Variants in ADGRB3 observed in about 807,000 individuals in gnomAD.
ADGRB3 encodes brain-specific angiogenesis inhibitor 3.
ADGRB3 carries 37 observed loss-of-function variants against 193.4 expected under a neutral mutation model. The ratio of observed to expected loss-of-function variants is 0.19; its 90% confidence interval spans 0.15 to 0.25. ADGRB3 has a LOEUF of 0.25. Among genes scored for constraint, ADGRB3 ranks in the 10% least tolerant of loss-of-function variants. The pLI is 1.00. For missense variants in ADGRB3, 1,637 were observed against 1,852.9 expected (o/e 0.88, Z 2.14); for synonymous variants, 690 against 644.2 (o/e 1.07, Z -1.08).
rs192099786 is a variant in ADGRB3 at position 68,776,488 on chromosome 6, T to C, written c.757+137056T>C. ...TTATTCCATAATTTGAATGCATAATTTCACATGTATTTATTCAGAAATATG... is the reference window on the plus strand; with the variant it reads ...TTATTCCATAATTTGAATGCATAATCTCACATGTATTTATTCAGAAATATG... On this transcript the variant is annotated intron_variant, in intron 3 of 31. Coordinates refer to ENST00000370598, the MANE Select transcript of ADGRB3 (RefSeq NM_001704.3). Among the ~76,000 whole-genome samples, 5 of 152,230 alleles carry C rather than the reference T, an allele frequency of 3.3e-5. No individual in the cohort carries two copies. In the East Asian group the frequency reaches 9.7e-4, roughly 29 times the overall value.
At chr6:69,064,960 A>G (rs374124395) in intron 16 of ADGRB3, among the ~76,000 whole-genome samples, 9 of 152,308 alleles carry the variant, frequency 5.9e-5, no homozygotes, top group African/African-American at 1.7e-4. Context: ...TACAGAAGAT[A>G]TAAACCATGT....
chr6:69,119,498 G>C (rs1004220123), intron 17 of ADGRB3, among the ~76,000 whole-genome samples: 1 of 152,220 alleles, frequency 6.6e-6, no homozygotes, highest in African/African-American at 2.4e-5. Flanking sequence ...AGAGCGAGGT[G>C]ATGTGTTAGG....
chr6:69,127,115 A>G (rs1773874862), intron 17 of ADGRB3, among the ~76,000 whole-genome samples: 2 of 152,208 alleles, frequency 1.3e-5, no homozygotes. Flanking sequence ...TGTGTTCAAC[A>G]TGTCTCCCTA....
intron 17 of ADGRB3, among the ~76,000 whole-genome samples, chr6:69,211,224 G>T (rs1765660724): frequency 6.6e-6 from 1 of 152,170 alleles, no homozygotes; most frequent in African/African-American, 2.4e-5. Flanking sequence ...TTCACTGTTT[G>T]CTGGAAGGAA....
chr6:68,772,575 A>G (rs1463787296), intron 3 of ADGRB3, among the ~76,000 whole-genome samples: 1 of 152,080 alleles, frequency 6.6e-6, no homozygotes, highest in African/African-American at 2.4e-5. Flanking sequence ...CCAGTAATCA[A>G]TTCTGAGAAA....
At chr6:69,033,556 C>T (rs1042490504) in intron 13 of ADGRB3, among the ~76,000 whole-genome samples, 2 of 152,038 alleles carry the variant, frequency 1.3e-5, no homozygotes, top group African/African-American at 2.4e-5. Flanking sequence ...TCCATATGAA[C>T]AGCTTTAACT....
At chr6:69,339,083 G>GA (rs1427287787) in intron 25 of ADGRB3, 69 bp downstream of exon 25, 28 of 1,529,374 alleles carry the variant, frequency 1.8e-5, no homozygotes, top group Middle Eastern at 1.7e-4. Context: ...ATGCTATGAT[G>GA]AAAAAAAATT....
intron 3 of ADGRB3, among the ~76,000 whole-genome samples, chr6:68,764,268 C>T (rs1374317884): frequency 6.6e-6 from 1 of 151,920 alleles, no homozygotes; most frequent in Non-Finnish European, 1.5e-5. Flanking sequence ...TATGAAGATA[C>T]TGTTAGAAAA....
chr6:68,848,605 T>C (rs765578164), intron 3 of ADGRB3, among the ~76,000 whole-genome samples: 4 of 152,096 alleles, frequency 2.6e-5, no homozygotes, highest in Non-Finnish European at 5.9e-5. Context: ...ATTTTTACTA[T>C]GTTTTACATA....
chr6:68,879,501 T>C (rs1372569633), intron 3 of ADGRB3, among the ~76,000 whole-genome samples: 5 of 152,148 alleles, frequency 3.3e-5, no homozygotes, highest in African/African-American at 1.2e-4. Context: ...GTGCTGGGAT[T>C]ACAGGCGTGA....
intron 17 of ADGRB3, among the ~76,000 whole-genome samples, chr6:69,186,256 T>C (rs568026286): frequency 1.3e-5 from 2 of 152,146 alleles, no homozygotes; most frequent in South Asian, 4.1e-4. Context: ...GTTATCTTTG[T>C]CCTTGGCCAC....
chr6:69,051,828 C>T (rs1771403494), intron 15 of ADGRB3, among the ~76,000 whole-genome samples: 1 of 152,208 alleles, frequency 6.6e-6, no homozygotes, highest in Non-Finnish European at 1.5e-5. Context: ...TTCTTTTAAA[C>T]TTCCCCTGCT....
At chr6:69,253,626 G>A (rs1035493220) in intron 20 of ADGRB3, among the ~76,000 whole-genome samples, 6 of 152,036 alleles carry the variant, frequency 3.9e-5, no homozygotes, top group African/African-American at 1.4e-4. Flanking sequence ...TTTATGGAGA[G>A]AACTATGCAC....
chr6:68,901,932 G>T (rs528087939), intron 3 of ADGRB3, among the ~76,000 whole-genome samples: 21 of 152,206 alleles, frequency 1.4e-4, no homozygotes, highest in Admixed American at 1.3e-3. Context: ...TTAAATGGGA[G>T]AAGTGGTGAC....
In ADGRB3 at chr6:68,638,802, T is replaced by G. The variant is rs1190371188; in HGVS notation, c.127T>G (p.Ser43Ala). The change falls in exon 3 of 32, where the codon TCT becomes GCT. Residue 43 changes from serine to alanine, a missense_variant. Physicochemically the swap from Ser to Ala is moderately conservative, Grantham distance 99. Around this residue, in one of 7 missense-constraint regions of ADGRB3, gnomAD observed 365 missense variants for 409.8 expected, o/e 0.89. Coordinates refer to ENST00000370598, the MANE Select transcript of ADGRB3 (RefSeq NM_001704.3). Reference sequence around the variant, plus strand: ...GAAGGGAGTCATTTATGGATCGTATTCTGTAAGTGAAATGTTTCCTAAAAA... The same window carrying G: ...GAAGGGAGTCATTTATGGATCGTATGCTGTAAGTGAAATGTTTCCTAAAAA... ...LVKGVIYGSY[S>A]VSEMFPKNFT... is the part of the protein sequence containing the mutation. 6.2e-7 allele frequency: 1 copy of G among 1,614,142 alleles called. No homozygotes were observed. The highest frequency in any genetic ancestry group is 1.1e-5 in the South Asian group (1 of 91,078).
At chr6:68,807,088 C>T (rs1018040182) in intron 3 of ADGRB3, among the ~76,000 whole-genome samples, 3 of 151,978 alleles carry the variant, frequency 2.0e-5, no homozygotes, top group Non-Finnish European at 2.9e-5. Context: ...CATGAATTAC[C>T]GAATTTGTAA....
chr6:68,784,421 T>C (rs534780569), intron 3 of ADGRB3, among the ~76,000 whole-genome samples: 21 of 152,292 alleles, frequency 1.4e-4, no homozygotes, highest in African/African-American at 2.2e-4. Context: ...TTATGTGATA[T>C]ACTTTTATTT....
chr6:68,646,197 C>T (rs1334369038), intron 3 of ADGRB3, among the ~76,000 whole-genome samples: 2 of 152,004 alleles, frequency 1.3e-5, no homozygotes, highest in Non-Finnish European at 2.9e-5. Flanking sequence ...AGACTTCCAG[C>T]TGGGCGTAGT....
chr6:68,741,362 G>C (rs1438101290), intron 3 of ADGRB3, among the ~76,000 whole-genome samples: 1 of 152,046 alleles, frequency 6.6e-6, no homozygotes, highest in Admixed American at 6.6e-5. Context: ...AAGCAGTCTG[G>C]CTTTTTTTAA....
Sources: gnomAD v4.1 joint callset for allele counts (sites outside exome capture counted in the v4.1 genomes callset) on GRCh38, gnomAD v4.1.1 for gene constraint, gnomAD v4.1.1 regional missense constraint, MANE v1.5 for transcripts, NCBI Gene and HGNC (gene_info 2026-07-23, HGNC 2026-07-21) for gene names.